The following OSBPL11 variants were observed in gnomAD, a reference collection of about 807,000 sequenced individuals.
OSBPL11 encodes the protein oxysterol-binding protein-related protein 11.
OSBPL11 carries 33 observed loss-of-function variants against 84.4 expected under a neutral mutation model. That is an observed-to-expected ratio of 0.39 (90% CI 0.30 to 0.52). The LOEUF (loss-of-function observed/expected upper bound fraction) is 0.52, where lower values mean the gene tolerates loss of function less well. Among genes scored for constraint, OSBPL11 ranks in the 20% least tolerant of loss-of-function variants. The pLI is 0.72. For synonymous variants in OSBPL11, 276 were observed against 310.2 expected (o/e 0.89, Z 1.16); for missense variants, 736 against 901.1 (o/e 0.82, Z 2.35).
At chr3:125,554,323 CCTT>C (rs1270633981) in intron 8 of OSBPL11, among the ~76,000 whole-genome samples, 2 of 152,216 alleles carry the variant, frequency 1.3e-5, no homozygotes, top group Admixed American at 6.5e-5. Context: ...TCTCATGCAG[CCTT>C]CTTCTCCTTT....
In OSBPL11 at chr3:125,560,443, T is replaced by C; in HGVS notation, c.1091A>G (p.Glu364Gly). The C allele has an allele frequency of 6.2e-7, 1 of 1,609,214 alleles. No homozygotes were observed. The highest frequency in any genetic ancestry group is 8.5e-7 in the Non-Finnish European group (1 of 1,177,180). ...ATGTAGGATGACACTACGTTGTTCT[T>C]CTACAGCTCCCAGGTCATCCTCTTT... ...DHKEDDLGAV[E>G]EQRSVILHLL... The change falls in exon 8 of 13, where the codon GAA becomes GGA. Residue 364 changes from glutamate to glycine, a missense_variant. Transcript: ENST00000296220.
At chr3:125,534,993 T>C (rs554640701) in intron 11 of OSBPL11, among the ~76,000 whole-genome samples, 1 of 86,588 alleles carries the variant, frequency 1.2e-5, no homozygotes, top group East Asian at 2.9e-4. Flanking sequence ...TTATTTACAA[T>C]GTAAGGAGAA....
rs1285131356 is a variant in OSBPL11 at position 125,559,980 on chromosome 3, G to A, written c.1155+399C>T. ...AAAAATCACAAAAAATAAAAAGACCGGCCAGGTGCAATGGCTCACGCCTGT... is the reference window on the plus strand; with the variant it reads ...AAAAATCACAAAAAATAAAAAGACCAGCCAGGTGCAATGGCTCACGCCTGT... On this transcript the variant is annotated intron_variant, in intron 8 of 12. Coordinates refer to ENST00000296220, the MANE Select transcript of OSBPL11 (RefSeq NM_022776.5). 5.9e-5 allele frequency among the ~76,000 whole-genome samples: 9 copies of A among 151,926 alleles called. No homozygotes were observed. The East Asian group carries it at 9.6e-4, about 16-fold the overall frequency.
chr3:125,532,200 C>A (rs1297160331), intron 11 of OSBPL11, among the ~76,000 whole-genome samples, 186 bp from the exon 12 acceptor site: 1 of 152,156 alleles, frequency 6.6e-6, no homozygotes. Flanking sequence ...GGATGCTGCT[C>A]CTTCTGCTTC....
At position 125,586,997 on chromosome 3, in the gene OSBPL11, A is replaced by G. The variant is rs115294520; in HGVS notation, c.165-4019T>C. On this transcript the variant is annotated intron_variant, in intron 1 of 12. Transcript: ENST00000296220. ...GAAAATCAAAAAGGCAATAACTAAT[A>G]ACTCTCCATCTCAAATCTATAATCT... 2.6e-3 allele frequency among the ~76,000 whole-genome samples: 395 copies of G among 152,362 alleles called. 1 individual carries two copies. Among genetic ancestry groups the G allele is most frequent in the African/African-American group, 9.1e-3 (378 of 41,590 alleles).
At chr3:125,592,491 G>T (rs1047285291) in intron 1 of OSBPL11, among the ~76,000 whole-genome samples, 1 of 152,042 alleles carries the variant, frequency 6.6e-6, no homozygotes, top group Non-Finnish European at 1.5e-5. Context: ...GTATAGCAAA[G>T]AATTTATACA....
intron 9 of OSBPL11, among the ~76,000 whole-genome samples, chr3:125,550,683 CATT>C (rs1430564099): frequency 2.6e-5 from 4 of 152,174 alleles, no homozygotes; most frequent in Non-Finnish European, 4.4e-5. Context: ...TTTTTCCTAT[CATT>C]ATATTTTCAT....
intron 6 of OSBPL11, among the ~76,000 whole-genome samples, chr3:125,565,144 C>T (rs945443755): frequency 3.9e-5 from 6 of 151,956 alleles, no homozygotes; most frequent in Non-Finnish European, 7.4e-5. Context: ...ACTTGGGGGG[C>T]TAAAGCAGGA....
Position 125,567,020 on chromosome 3 carries a change from C to A in OSBPL11, c.868+374G>T, listed in dbSNP as rs958357839. Among the ~76,000 whole-genome samples, 14 of 152,108 alleles carry A rather than the reference C, an allele frequency of 9.2e-5. No individual in the cohort carries two copies. The South Asian group carries it at 1.7e-3, about 18-fold the overall frequency. ...TTGAAAATAATGACAGTGGACTAAG[C>A]CAAAACTCAAAAAATAATGCCAAGG... On this transcript the variant is annotated intron_variant, in intron 6 of 12. Coordinates refer to ENST00000296220, the MANE Select transcript of OSBPL11 (RefSeq NM_022776.5).
intron 7 of OSBPL11, among the ~76,000 whole-genome samples, chr3:125,561,363 A>G (rs1283537107): frequency 2.0e-5 from 3 of 152,226 alleles, no homozygotes; most frequent in African/African-American, 7.2e-5. Flanking sequence ...TTACATGTTT[A>G]TAATTATACT....
At position 125,563,977 on chromosome 3, in the gene OSBPL11, C is replaced by T. The variant is rs1936116160; in HGVS notation, c.869-134G>A. 3 of 891,456 alleles carry T rather than the reference C, an allele frequency of 3.4e-6. No homozygotes were observed. In the African/African-American group the frequency reaches 5.1e-5, roughly 15 times the overall value. 55.2% of individuals were successfully genotyped at this position (891,456 alleles called of 1,614,324 possible). A position where few individuals can be genotyped will look rare whatever the true frequency, so the allele number is the denominator to read the frequency against. ...AAACCTGTTAAGAGACCCTGCAAGA[C>T]AGCCACTTATATCTCATTAGCATGA... On this transcript the variant is annotated intron_variant, in intron 6 of 12. Coordinates refer to ENST00000296220, the MANE Select transcript of OSBPL11 (RefSeq NM_022776.5).
At chr3:125,587,058 C>A (rs1310722448) in intron 1 of OSBPL11, among the ~76,000 whole-genome samples, 1 of 152,132 alleles carries the variant, frequency 6.6e-6, no homozygotes, top group Non-Finnish European at 1.5e-5. Flanking sequence ...AAGAAAAAGG[C>A]AGTAACATGG....
At chr3:125,544,519 G>T (rs973632690) in intron 10 of OSBPL11, among the ~76,000 whole-genome samples, 3 of 152,118 alleles carry the variant, frequency 2.0e-5, no homozygotes, top group Admixed American at 2.0e-4. Context: ...CTATCTAGGT[G>T]CTAATATCTT....
At chr3:125,572,835 T>A (rs1270682917) in intron 5 of OSBPL11, among the ~76,000 whole-genome samples, 1 of 146,996 alleles carries the variant, frequency 6.8e-6, no homozygotes, top group Non-Finnish European at 1.5e-5. Flanking sequence ...TGTATACATA[T>A]ATATATTTTA....
At chr3:125,586,800 C>A (rs541736030) in intron 1 of OSBPL11, among the ~76,000 whole-genome samples, 3 of 152,290 alleles carry the variant, frequency 2.0e-5, no homozygotes, top group South Asian at 4.1e-4. Context: ...TAGGCGTGAG[C>A]CACCGTGCCC....
At chr3:125,545,866 T>C (rs535213220) in intron 10 of OSBPL11, among the ~76,000 whole-genome samples, 1 of 152,218 alleles carries the variant, frequency 6.6e-6, no homozygotes, top group African/African-American at 2.4e-5. Context: ...GCAGATAATG[T>C]GTCTGTCCCA....
chr3:125,568,363 G>A (rs1199666049), intron 5 of OSBPL11, among the ~76,000 whole-genome samples: 9 of 151,626 alleles, frequency 5.9e-5, no homozygotes, highest in African/African-American at 2.2e-4. Flanking sequence ...CCTGGGAGAC[G>A]GAGCTTGCAG....
chr3:125,563,773 G>C lies in OSBPL11; in HGVS notation c.939C>G (p.Pro313=), dbSNP rs1413352008. 6.2e-7 allele frequency: 1 copy of C among 1,614,166 alleles called. No individual in the cohort carries two copies. Among genetic ancestry groups the C allele is most frequent in the Non-Finnish European group, 8.5e-7 (1 of 1,180,002 alleles). ...SNHYKNGADQ[P]FATDQSKPVA... Reference sequence around the variant, plus strand: ...CCGGCTTACTCTGATCAGTTGCAAAGGGCTGGTCAGCTCCATTTTTATAGT... The same window carrying C: ...CCGGCTTACTCTGATCAGTTGCAAACGGCTGGTCAGCTCCATTTTTATAGT... The change falls in exon 7 of 13, where the codon CCC becomes CCG. Residue 313 remains proline (P), a synonymous_variant. Coordinates refer to ENST00000296220, the MANE Select transcript of OSBPL11 (RefSeq NM_022776.5).
chr3:125,573,872 C>CAAA (rs35902125), intron 5 of OSBPL11, among the ~76,000 whole-genome samples: 3,233 of 43,234 alleles, frequency 0.075, 181 homozygotes, highest in Non-Finnish European at 0.11. Flanking sequence ...AACTCCGTCT[C>CAAA]AAAAAAAAAA....
Sources: allele counts gnomAD v4.1 joint callset (sites outside exome capture counted in the v4.1 genomes callset), GRCh38; gene constraint gnomAD v4.1.1; transcripts MANE v1.5; gene names NCBI Gene and HGNC (gene_info 2026-07-23, HGNC 2026-07-21).